Variants in ILRUN observed in about 807,000 individuals in gnomAD.
The protein encoded by ILRUN is protein ILRUN.
ILRUN carries 3 observed loss-of-function variants against 33.8 expected under a neutral mutation model. That is an observed-to-expected ratio of 0.09 (90% CI 0.04 to 0.23). The LOEUF is 0.23. ILRUN is among the 10% of genes least tolerant of loss of function. ILRUN has a pLI of 1.00. For missense variants in ILRUN, 210 were observed against 375.1 expected (o/e 0.56, Z 3.64); for synonymous variants, 124 against 138.9 (o/e 0.89, Z 0.75).
rs16891465 is a variant in ILRUN at position 34,587,747 on chromosome 6, T to C, written c.*2818A>G. Reference sequence around the variant, plus strand: ...GCTTCTTGTAGAAAAATGCCCCAAATTCAACTGTCCTCACGGCAAAAAGAA... The same window carrying C: ...GCTTCTTGTAGAAAAATGCCCCAAACTCAACTGTCCTCACGGCAAAAAGAA... On this transcript the variant is annotated 3_prime_UTR_variant, in exon 5 of 5. Transcript: ENST00000374023. 5.5e-3 allele frequency: 1,378 copies of C among 250,100 alleles called. 18 individuals are homozygous for C. The highest frequency in any genetic ancestry group is 0.028 in the African/African-American group (1,269 of 45,050). The allele number at this position is 250,100 out of a possible 1,614,324, so 15.5% of individuals were successfully genotyped here.
At chr6:34,658,130 C>T (rs1384621131) in intron 1 of ILRUN, among the ~76,000 whole-genome samples, 3 of 152,124 alleles carry the variant, frequency 2.0e-5, no homozygotes, top group Admixed American at 2.0e-4. Context: ...AGGCAGATCA[C>T]TTGAGGTCAG....
chr6:34,611,282 T>C (rs961230595), intron 3 of ILRUN, among the ~76,000 whole-genome samples: 1 of 152,048 alleles, frequency 6.6e-6, no homozygotes, highest in Admixed American at 6.5e-5. Context: ...GAACTTATCA[T>C]ACTTAAGCCA....
chr6:34,642,135 T>C (rs551988336), intron 3 of ILRUN, among the ~76,000 whole-genome samples: 1 of 152,316 alleles, frequency 6.6e-6, no homozygotes, highest in South Asian at 2.1e-4. Context: ...TTTATGGGGA[T>C]AATGCCCCAA....
chr6:34,659,813 G>T (rs1762851181), intron 1 of ILRUN, among the ~76,000 whole-genome samples: 1 of 151,536 alleles, frequency 6.6e-6, no homozygotes, highest in African/African-American at 2.4e-5. Context: ...TAGAGACGGG[G>T]TTTCTCCATG....
At chr6:34,637,858 C>CTGCTGCTGT (rs1554185652) in intron 3 of ILRUN, among the ~76,000 whole-genome samples, 1 of 127,396 alleles carries the variant, frequency 7.8e-6, no homozygotes, top group Non-Finnish European at 1.6e-5. Flanking sequence ...GCTGCTGCTG[C>CTGCTGCTGT]TGCTGCTGTT....
intron 1 of ILRUN, among the ~76,000 whole-genome samples, chr6:34,695,982 A>G (rs1763761589): frequency 6.6e-6 from 1 of 151,656 alleles, no homozygotes; most frequent in Non-Finnish European, 1.5e-5. Flanking sequence ...CACAGCACCT[A>G]ATCCTTCCCT....
At chr6:34,626,543 C>T (rs1384373132) in intron 3 of ILRUN, among the ~76,000 whole-genome samples, 1 of 152,176 alleles carries the variant, frequency 6.6e-6, no homozygotes, top group Non-Finnish European at 1.5e-5. Context: ...CCCACATATG[C>T]ACAACCTGCC....
At chr6:34,607,902 G>C (rs1402401724) in intron 3 of ILRUN, among the ~76,000 whole-genome samples, 2 of 152,152 alleles carry the variant, frequency 1.3e-5, no homozygotes, top group Non-Finnish European at 2.9e-5. Flanking sequence ...AGACCGTCCT[G>C]GGTGACACAG....
chr6:34,654,030 A>ATT (rs200054373), intron 2 of ILRUN, among the ~76,000 whole-genome samples: 4 of 146,990 alleles, frequency 2.7e-5, no homozygotes, highest in African/African-American at 7.5e-5. Context: ...CCCAATCTGT[A>ATT]TTTTTTTTTT....
At chr6:34,641,005 G>A (rs1762464066) in intron 3 of ILRUN, among the ~76,000 whole-genome samples, 1 of 150,496 alleles carries the variant, frequency 6.6e-6, no homozygotes, top group African/African-American at 2.4e-5. Context: ...CTTGAACCTG[G>A]GAGGCAGAGG....
At chr6:34,601,945 C>T (rs576262528) in intron 4 of ILRUN, among the ~76,000 whole-genome samples, 4 of 152,204 alleles carry the variant, frequency 2.6e-5, no homozygotes, top group African/African-American at 4.8e-5. Context: ...CACGAGTGCG[C>T]GAGCAGATGG....
chr6:34,696,333 G>T (rs1400733304), intron 1 of ILRUN, 113 bp downstream of exon 1: 1 of 1,135,032 alleles, frequency 8.8e-7, no homozygotes, highest in Non-Finnish European at 1.2e-6. Flanking sequence ...CCCGGGAAGG[G>T]GTGGCCCTCA....
chr6:34,608,867 C>T (rs914545245), intron 3 of ILRUN, among the ~76,000 whole-genome samples: 5 of 152,182 alleles, frequency 3.3e-5, no homozygotes, highest in African/African-American at 1.2e-4. Flanking sequence ...GTAGCGGTTC[C>T]TGAACCTTTG....
At chr6:34,670,844 C>CAAAAAAAA (rs201024054) in intron 1 of ILRUN, among the ~76,000 whole-genome samples, 2 of 58,554 alleles carry the variant, frequency 3.4e-5, no homozygotes, top group Non-Finnish European at 3.6e-5. Context: ...GACCCTGTCT[C>CAAAAAAAA]AAAAAAAAAA....
At chr6:34,661,201 T>G (rs867485708) in intron 1 of ILRUN, among the ~76,000 whole-genome samples, 7 of 152,236 alleles carry the variant, frequency 4.6e-5, no homozygotes, top group Non-Finnish European at 8.8e-5. Flanking sequence ...TGTTTTATTA[T>G]TGTATTAGGT....
At chr6:34,665,331 G>T (rs1762971798) in intron 1 of ILRUN, among the ~76,000 whole-genome samples, 1 of 151,318 alleles carries the variant, frequency 6.6e-6, no homozygotes. Flanking sequence ...AGGCTTGGTG[G>T]CACACACCTG....
chr6:34,588,595 G>T lies in ILRUN; in HGVS notation c.*1970C>A, dbSNP rs1274024124. On this transcript the variant is annotated 3_prime_UTR_variant, in exon 5 of 5. Coordinates refer to ENST00000374023, the MANE Select transcript of ILRUN (RefSeq NM_024294.4). ...AAAGCCATCCTGAGGCCTGTGGCGT[G>T]GGTACCTGGCAGAGACTTCCCTCTG... 3 of 184,016 alleles carry T rather than the reference G, an allele frequency of 1.6e-5. No homozygotes were observed. The highest frequency in any genetic ancestry group is 3.4e-5 in the Non-Finnish European group (3 of 89,268). The allele number at this position is 184,016 out of a possible 1,614,324, so 11.4% of individuals were successfully genotyped here. A position where few individuals can be genotyped will look rare whatever the true frequency, so the allele number is the denominator to read the frequency against.
intron 4 of ILRUN, among the ~76,000 whole-genome samples, chr6:34,591,958 TG>T (rs1761302705): frequency 6.6e-6 from 1 of 152,190 alleles, no homozygotes; most frequent in African/African-American, 2.4e-5. Context: ...CTTGGCTGAG[TG>T]GAAGAAGCTT....
At position 34,653,132 on chromosome 6, in the gene ILRUN, CAAAAAAA is replaced by C. The variant is rs947213125; in HGVS notation, c.313+1486_313+1492del. ...TGGGTGACAGAGTGAGACCTTGTCT[CAAAAAAA>C]AAAAAAAAAAAAGAAAAAGAAAGAA... On this transcript the variant is annotated intron_variant, in intron 2 of 4. Transcript: ENST00000374023. Among the ~76,000 whole-genome samples the C allele has an allele frequency of 4.1e-4, 21 of 51,588 alleles. No individual in the cohort carries two copies. In the South Asian group the frequency reaches 9.4e-3, roughly 23 times the overall value. The allele number at this position is 51,588 out of a possible 152,430, so 33.8% of individuals were successfully genotyped here. A position where few individuals can be genotyped will look rare whatever the true frequency, so the allele number is the denominator to read the frequency against.
Sources: allele counts gnomAD v4.1 joint callset (sites outside exome capture counted in the v4.1 genomes callset), GRCh38; gene constraint gnomAD v4.1.1; transcripts MANE v1.5; gene names NCBI Gene and HGNC (gene_info 2026-07-23, HGNC 2026-07-21).